Variants in PBX1 observed in about 807,000 individuals in gnomAD.
PBX1 encodes the protein pre-B-cell leukemia transcription factor 1.
A neutral mutation model predicts 53.4 loss-of-function variants in PBX1; 6 were observed. The observed-to-expected ratio is 0.11, with a 90% CI of 0.06 to 0.22. The LOEUF is 0.22. Ranked by LOEUF, PBX1 falls within the 10% of genes least tolerant of loss-of-function variation. PBX1 has a pLI of 1.00. For missense variants in PBX1, 251 were observed against 551.4 expected (o/e 0.46, Z 5.46); for synonymous variants, 204 against 212.3 (o/e 0.96, Z 0.34).
Position 164,655,567 on chromosome 1 carries a change from C to T in PBX1, c.265+92256C>T, listed in dbSNP as rs143824286. 2.5e-3 allele frequency among the ~76,000 whole-genome samples: 386 copies of T among 152,240 alleles called. 1 individual carries two copies. Among genetic ancestry groups the T allele is most frequent in the Middle Eastern group, 0.017 (5 of 292 alleles). On this transcript the variant is annotated intron_variant, in intron 2 of 8. Coordinates refer to ENST00000420696, the MANE Select transcript of PBX1 (RefSeq NM_002585.4). The stretch of plus-strand genomic sequence containing the variant: ...AATCTTCCAAGGATGACCACCATTT[C>T]TTGTAGTGGTTTACTGAGACAGTCA...
intron 2 of PBX1, among the ~76,000 whole-genome samples, chr1:164,783,388 G>T (rs1345786241): frequency 1.3e-5 from 2 of 151,836 alleles, no homozygotes; most frequent in African/African-American, 4.8e-5. Flanking sequence ...GGGGTGGGGG[G>T]TGTCTGTGTG....
chr1:164,794,091 T>C (rs926688560), intron 3 of PBX1, among the ~76,000 whole-genome samples: 1 of 152,008 alleles, frequency 6.6e-6, no homozygotes, highest in Non-Finnish European at 1.5e-5. Flanking sequence ...GCCAGGCTGG[T>C]CTTGAACTCC....
chr1:164,842,378 T>C (rs1165893678), intron 8 of PBX1, among the ~76,000 whole-genome samples: 2 of 152,196 alleles, frequency 1.3e-5, no homozygotes, highest in Non-Finnish European at 2.9e-5. Context: ...GGTGAAGTTC[T>C]AGCAAAATTT....
chr1:164,809,175 G>A (rs1034906718), intron 5 of PBX1, among the ~76,000 whole-genome samples: 2 of 152,094 alleles, frequency 1.3e-5, no homozygotes, highest in African/African-American at 4.8e-5. Flanking sequence ...TGAATTCCAA[G>A]TGTGGAATTC....
At position 164,815,237 on chromosome 1, in the gene PBX1, T is replaced by A. The variant is rs78527635; in HGVS notation, c.997+3088T>A. Reference sequence around the variant, plus strand: ...TTATCTTCTGCAGAGGATTTTAACATCCAAGAAGAAAGAAATTGACTTGTG... The same window carrying A: ...TTATCTTCTGCAGAGGATTTTAACAACCAAGAAGAAAGAAATTGACTTGTG... On this transcript the variant is annotated intron_variant, in intron 6 of 8. Transcript: ENST00000420696. 1,479 of 152,316 alleles carry A rather than the reference T, an allele frequency of 9.7e-3. 23 individuals are homozygous for A. Among genetic ancestry groups the A allele is most frequent in the African/African-American group, 0.034 (1,431 of 41,568 alleles). The allele number at this position is 152,316 out of a possible 1,614,324, so 9.4% of individuals were successfully genotyped here.
intron 2 of PBX1, among the ~76,000 whole-genome samples, chr1:164,588,473 CTTTTTTT>C (rs371768861): frequency 3.7e-4 from 27 of 73,080 alleles, no homozygotes; most frequent in East Asian, 3.4e-3. Context: ...CCGGACTAAG[CTTTTTTT>C]TTTTTTTTTT....
chr1:164,836,614 C>T (rs760810491), intron 8 of PBX1, among the ~76,000 whole-genome samples: 26 of 152,126 alleles, frequency 1.7e-4, no homozygotes, highest in Non-Finnish European at 2.8e-4. Flanking sequence ...ACTAGCACTC[C>T]GTTCTCGTAC....
intron 2 of PBX1, among the ~76,000 whole-genome samples, chr1:164,782,438 TG>T (rs1667979957): frequency 6.6e-6 from 1 of 152,108 alleles, no homozygotes; most frequent in South Asian, 2.1e-4. Flanking sequence ...ATATTATCAG[TG>T]GTAGGTCTCG....
chr1:164,566,925 A>C (rs1653471227), intron 2 of PBX1, among the ~76,000 whole-genome samples: 1 of 152,128 alleles, frequency 6.6e-6, no homozygotes, highest in Non-Finnish European at 1.5e-5. Context: ...GAGGAGGTTA[A>C]AAAAATTTAT....
chr1:164,660,555 A>T (rs1295507490), intron 2 of PBX1, among the ~76,000 whole-genome samples: 1 of 151,434 alleles, frequency 6.6e-6, no homozygotes, highest in East Asian at 2.0e-4. Flanking sequence ...CAGCTAGATT[A>T]AAACCACAGT....
chr1:164,604,095 C>A (rs569661290), intron 2 of PBX1, among the ~76,000 whole-genome samples: 3 of 151,880 alleles, frequency 2.0e-5, no homozygotes, highest in Non-Finnish European at 4.4e-5. Context: ...TGTGTGCCAC[C>A]ACATCCAGCT....
chr1:164,777,569 G>C (rs963538416), intron 2 of PBX1, among the ~76,000 whole-genome samples: 1 of 152,200 alleles, frequency 6.6e-6, no homozygotes, highest in Admixed American at 6.5e-5. Context: ...AAAGTCTAGG[G>C]TCCTGCCACT....
In PBX1 at chr1:164,881,368, A is replaced by AGAAG. The variant is rs199990223; in HGVS notation, n.258-17793_258-17790dup. Among the ~76,000 whole-genome samples, 100 of 11,822 alleles carry AGAAG rather than the reference A, an allele frequency of 8.5e-3. 1 individual carries two copies. The East Asian group carries it at 0.2, about 24-fold the overall frequency. The allele number at this position is 11,822 out of a possible 152,430, so 7.8% of individuals were successfully genotyped here. On this transcript the variant is annotated intron_variant and non_coding_transcript_variant, in intron 2 of 2. Coordinates refer to the PBX1 transcript ENST00000558796. Reference sequence around the variant, plus strand: ...AGGAAGGAAGGAAGGAAGGAGGAAAAGAAGGAAGGAAGGAAGGAAGGAAGG... The same window carrying AGAAG: ...AGGAAGGAAGGAAGGAAGGAGGAAAAGAAGGAAGGAAGGAAGGAAGGAAGGAAGG...
chr1:164,731,898 A>G (rs931552656), intron 2 of PBX1, among the ~76,000 whole-genome samples: 3 of 152,038 alleles, frequency 2.0e-5, no homozygotes, highest in Non-Finnish European at 4.4e-5. Flanking sequence ...AAGCTTCCTG[A>G]CCTTCCAGCA....
At chr1:164,621,180 G>A (rs1319049741) in intron 2 of PBX1, among the ~76,000 whole-genome samples, 1 of 151,516 alleles carries the variant, frequency 6.6e-6, no homozygotes, top group Non-Finnish European at 1.5e-5. Context: ...GTAGAGACGG[G>A]GTTTCGCTAT....
chr1:164,596,620 G>A (rs749018343), intron 2 of PBX1, among the ~76,000 whole-genome samples: 1 of 152,192 alleles, frequency 6.6e-6, no homozygotes, highest in Non-Finnish European at 1.5e-5. Flanking sequence ...TGATGTAGGA[G>A]TTTATTGTAT....
In PBX1 at chr1:164,600,963, G is replaced by A. The variant is rs367716720; in HGVS notation, c.265+37652G>A. 3.5e-4 allele frequency among the ~76,000 whole-genome samples: 53 copies of A among 152,164 alleles called. 1 individual carries two copies. In the East Asian group the frequency reaches 8.9e-3, roughly 26 times the overall value. ...CAGAATAGCAGACACAGGGCTGGGC[G>A]CAGTGGCTCATGCCTGTAATCCCAG... is the stretch of plus-strand genomic sequence containing the variant. On this transcript the variant is annotated intron_variant, in intron 2 of 8. Coordinates refer to ENST00000420696, the MANE Select transcript of PBX1 (RefSeq NM_002585.4).
At chr1:164,861,842 G>A (rs780773774) in intron 2 of PBX1, among the ~76,000 whole-genome samples, 3 of 152,194 alleles carry the variant, frequency 2.0e-5, no homozygotes, top group African/African-American at 4.8e-5. Flanking sequence ...AGGCCCTGGG[G>A]CAGGAACATA....
chr1:164,577,946 TA>T (rs1315519151), intron 2 of PBX1, among the ~76,000 whole-genome samples: 2 of 152,160 alleles, frequency 1.3e-5, no homozygotes, highest in Non-Finnish European at 2.9e-5. Flanking sequence ...ATGTTGCAGC[TA>T]AAATATAAGC....
Sources: allele counts gnomAD v4.1 joint callset (sites outside exome capture counted in the v4.1 genomes callset), GRCh38; gene constraint gnomAD v4.1.1; transcripts MANE v1.5; gene names NCBI Gene and HGNC (gene_info 2026-07-23, HGNC 2026-07-21).